Variants in RAB3IP observed in about 807,000 individuals in gnomAD.
The protein encoded by RAB3IP is rab-3A-interacting protein.
A neutral mutation model predicts 59.1 loss-of-function variants in RAB3IP; 36 were observed. That is an observed-to-expected ratio of 0.61 (90% confidence interval 0.47 to 0.80). The LOEUF (loss-of-function observed/expected upper bound fraction) is 0.80. Ranked by LOEUF, RAB3IP falls within the 30% of genes least tolerant of loss-of-function variation. RAB3IP has a pLI of 0.00. For missense variants in RAB3IP, 511 were observed against 536.0 expected, an observed-to-expected ratio of 0.95 and a Z score of 0.46; for synonymous variants, 207 against 191.2, an observed-to-expected ratio of 1.08 and a Z score of -0.68.
chr12:69,786,480 A>C (rs1592555276), intron 4 of RAB3IP, among the ~76,000 whole-genome samples: 1 of 152,292 alleles, frequency 6.6e-6, no homozygotes, highest in East Asian at 1.9e-4. Context: ...AAAGTTAAAG[A>C]GCTAGAATAG....
intron 3 of RAB3IP, among the ~76,000 whole-genome samples, chr12:69,760,174 T>C (rs1028269001): frequency 1.3e-5 from 2 of 152,226 alleles, no homozygotes; most frequent in African/African-American, 4.8e-5. Flanking sequence ...GGTTAGGAGC[T>C]GGAGACCAGC....
At chr12:69,808,854 A>G (rs541399365) in intron 8 of RAB3IP, among the ~76,000 whole-genome samples, 33 of 152,144 alleles carry the variant, frequency 2.2e-4, no homozygotes, top group Middle Eastern at 3.4e-3. Context: ...TCTTTATCCA[A>G]TTTGCCAGTC....
rs1407107484 is a variant in RAB3IP, at chr12:69,820,435, C to T, written c.*4989C>T. The T allele has an allele frequency of 6.6e-6, 1 of 152,040 alleles. No homozygotes were observed. The highest frequency in any genetic ancestry group is 1.5e-5 in the Non-Finnish European group (1 of 68,074). The allele number at this position is 152,040 out of a possible 1,614,324, so 9.4% of individuals were successfully genotyped here. A position where few individuals can be genotyped will look rare whatever the true frequency, so the allele number is the denominator to read the frequency against. On this transcript the variant is annotated 3_prime_UTR_variant, in exon 11 of 11. Transcript: ENST00000247833. ...CCTGCACTAATGTCTGCTGTCCTTG[C>T]ATCCACTCCTGCCCTCCTACAATCA...
intron 3 of RAB3IP, among the ~76,000 whole-genome samples, chr12:69,770,291 C>A (rs1872888977): frequency 6.6e-6 from 1 of 152,114 alleles, no homozygotes; most frequent in Non-Finnish European, 1.5e-5. Flanking sequence ...CAAATCCGCC[C>A]CCCCACCCTG....
chr12:69,759,720 G>T (rs962769911), intron 3 of RAB3IP, among the ~76,000 whole-genome samples: 2 of 148,942 alleles, frequency 1.3e-5, no homozygotes, highest in African/African-American at 5.1e-5. Flanking sequence ...CCTCCCTCCC[G>T]GACGGGGCGG....
chr12:69,788,687 A>G (rs758805237), intron 4 of RAB3IP, among the ~76,000 whole-genome samples: 7 of 152,132 alleles, frequency 4.6e-5, no homozygotes, highest in Non-Finnish European at 1.0e-4. Context: ...AGAACTGCAT[A>G]ACGCTATAGA....
chr12:69,771,199 A>G (rs913632271), intron 3 of RAB3IP, among the ~76,000 whole-genome samples: 6 of 152,170 alleles, frequency 3.9e-5, no homozygotes, highest in East Asian at 3.8e-4. Context: ...ATTCTTGTTT[A>G]TGGCTGAATA....
intron 6 of RAB3IP, among the ~76,000 whole-genome samples, chr12:69,797,368 T>C (rs1323925802): frequency 1.3e-5 from 2 of 152,146 alleles, no homozygotes; most frequent in African/African-American, 4.8e-5. Flanking sequence ...CGGTGGTTCC[T>C]GGCAGAGTCA....
At chr12:69,811,628 C>A (rs765263380) in intron 8 of RAB3IP, among the ~76,000 whole-genome samples, 2 of 152,158 alleles carry the variant, frequency 1.3e-5, no homozygotes, top group Non-Finnish European at 2.9e-5. Context: ...TCTGTATCTT[C>A]TATCCTCCCC....
chr12:69,741,344 A>T (rs1458121446), intron 1 of RAB3IP, among the ~76,000 whole-genome samples: 1 of 152,236 alleles, frequency 6.6e-6, no homozygotes, highest in Non-Finnish European at 1.5e-5. Flanking sequence ...ACAGCTGGCC[A>T]GTGACAGAGC....
chr12:69,760,584 T>G, intron 3 of RAB3IP, among the ~76,000 whole-genome samples: 1 of 143,690 alleles, frequency 7.0e-6, no homozygotes, highest in South Asian at 2.1e-4. Context: ...TTTTACATTT[T>G]TGTTGTGCAT....
chr12:69,783,471 TC>T (rs1271095500), intron 3 of RAB3IP, among the ~76,000 whole-genome samples: 2 of 152,192 alleles, frequency 1.3e-5, no homozygotes, highest in African/African-American at 4.8e-5. Flanking sequence ...GTTTGAGACT[TC>T]CGAGTTTTTT....
chr12:69,755,316 T>C, intron 1 of RAB3IP, 68 bp from the exon 2 acceptor site: 1 of 1,278,982 alleles, frequency 7.8e-7, no homozygotes, highest in East Asian at 2.5e-5. Flanking sequence ...TTTTATAATT[T>C]ATGCATTTTA....
At chr12:69,806,882 G>T (rs1249040905) in intron 8 of RAB3IP, among the ~76,000 whole-genome samples, 1 of 152,118 alleles carries the variant, frequency 6.6e-6, no homozygotes, top group African/African-American at 2.4e-5. Flanking sequence ...GTTTCAGAGA[G>T]CACGGGGTTG....
rs1881913931 is a variant in RAB3IP at position 69,822,897 on chromosome 12, C to A, written c.*7451C>A. ...CATACTAGGCACACAATCTCTGTAC[C>A]TGTGCTGTCTTCCAAGCCATTGCTC... is the stretch of plus-strand genomic sequence containing the variant. On this transcript the variant is annotated 3_prime_UTR_variant, in exon 11 of 11. Transcript: ENST00000247833. 1.3e-5 allele frequency: 2 copies of A among 152,158 alleles called. No individual in the cohort carries two copies. Among genetic ancestry groups the A allele is most frequent in the South Asian group, 2.1e-4 (1 of 4,830 alleles). The allele number at this position is 152,158 out of a possible 1,614,324, so 9.4% of individuals were successfully genotyped here.
At chr12:69,740,110 TG>T (rs1339089648) in intron 1 of RAB3IP, among the ~76,000 whole-genome samples, 1 of 152,190 alleles carries the variant, frequency 6.6e-6, no homozygotes, top group Non-Finnish European at 1.5e-5. Context: ...GTAAATCAGT[TG>T]AAAGACCCAG....
intron 8 of RAB3IP, among the ~76,000 whole-genome samples, chr12:69,810,026 G>GT (rs932165883): frequency 6.6e-6 from 1 of 152,156 alleles, no homozygotes; most frequent in Non-Finnish European, 1.5e-5. Flanking sequence ...CATCTTTGTG[G>GT]TTTTATCTAC....
At chr12:69,803,839 T>A (rs1878788963) in intron 8 of RAB3IP, among the ~76,000 whole-genome samples, 1 of 152,260 alleles carries the variant, frequency 6.6e-6, no homozygotes, top group Admixed American at 6.5e-5. Context: ...CATCATTTTT[T>A]ATGGCTACAT....
At chr12:69,806,579 T>TTC (rs941085358) in intron 8 of RAB3IP, among the ~76,000 whole-genome samples, 1 of 146,742 alleles carries the variant, frequency 6.8e-6, no homozygotes, top group African/African-American at 2.5e-5. Context: ...AGTTTTTTTT[T>TTC]TTTTTTTTTT....
Sources: gnomAD v4.1 joint callset for allele counts (sites outside exome capture counted in the v4.1 genomes callset) on GRCh38, gnomAD v4.1.1 for gene constraint, MANE v1.5 for transcripts, NCBI Gene and HGNC (gene_info 2026-07-23, HGNC 2026-07-21) for gene names.